CAMSAP1: variants seen among roughly 807,000 people sequenced by gnomAD.
CAMSAP1 encodes calmodulin-regulated spectrin-associated protein 1.
A neutral mutation model predicts 143.5 loss-of-function variants in CAMSAP1; 58 were observed. The ratio of observed to expected loss-of-function variants is 0.40; its 90% CI spans 0.33 to 0.50. The LOEUF is 0.50. Ranked by LOEUF, CAMSAP1 falls within the 20% of genes least tolerant of loss-of-function variation. The pLI is 0.45. For synonymous variants in CAMSAP1, 945 were observed against 859.3 expected, an observed-to-expected ratio of 1.10 and a Z score of -1.74; for missense variants, 1,969 against 2,115.7, an observed-to-expected ratio of 0.93 and a Z score of 1.36.
chr9:135,818,707 G>T lies in CAMSAP1; in HGVS notation c.3960-91C>A. The T allele has an allele frequency of 1.4e-6, 2 of 1,416,008 alleles. No homozygotes were observed. The highest frequency in any genetic ancestry group is 1.9e-6 in the Non-Finnish European group (2 of 1,055,772). 87.7% of individuals were successfully genotyped at this position (1,416,008 alleles called of 1,614,324 possible). A position where few individuals can be genotyped will look rare whatever the true frequency, so the allele number is the denominator to read the frequency against. On this transcript the variant is annotated intron_variant, in intron 12 of 16. Transcript: ENST00000389532. This position sits in a 1 kb window ranked among gnomAD's most constrained non-coding sequence, Gnocchi z 7.7. ...GCGCTCTGTCCAGGCGCGTTTCTCG[G>T]GTTCTCCCCGGCCGCTGGGACCAAG... is the stretch of plus-strand genomic sequence containing the variant.
chr9:135,881,266 AG>A, intron 3 of CAMSAP1, among the ~76,000 whole-genome samples: 1 of 151,978 alleles, frequency 6.6e-6, no homozygotes, highest in Admixed American at 6.6e-5. Context: ...CTGAGGCAGG[AG>A]GATCACTTGG....
At chr9:135,878,152 CAG>C in intron 3 of CAMSAP1, among the ~76,000 whole-genome samples, 1 of 152,328 alleles carries the variant, frequency 6.6e-6, no homozygotes, top group South Asian at 2.1e-4. Context: ...CCTCAGACGG[CAG>C]GGAGGCTCCT....
rs966954128 is a variant in CAMSAP1, at chr9:135,855,921, G to A, written c.809-5460C>T. Among the ~76,000 whole-genome samples the A allele has an allele frequency of 1.4e-4, 21 of 151,974 alleles. No individual in the cohort carries two copies. In the East Asian group the frequency reaches 2.1e-3, roughly 15 times the overall value. On this transcript the variant is annotated intron_variant, in intron 5 of 16. Transcript: ENST00000389532. ...CAAAAAATTAGCCGGGCGCGGTGGC[G>A]GGCGCCTGTGGTCCCAGCTACTCGG...
intron 7 of CAMSAP1, among the ~76,000 whole-genome samples, chr9:135,842,901 C>A (rs1468377534): frequency 6.6e-6 from 1 of 152,172 alleles, no homozygotes; most frequent in African/African-American, 2.4e-5. Context: ...TTGTAAAGAC[C>A]ATCAACACTA....
At chr9:135,878,036 G>A (rs12353433) in intron 3 of CAMSAP1, among the ~76,000 whole-genome samples, 22,760 of 152,122 alleles carry the variant, frequency 0.15, 2,223 homozygotes, top group East Asian at 0.37. Flanking sequence ...CCTCAAGCTG[G>A]GGAAAGCGCT....
intron 3 of CAMSAP1, among the ~76,000 whole-genome samples, chr9:135,874,484 G>GA (rs1357224500): frequency 6.7e-6 from 1 of 149,744 alleles, no homozygotes; most frequent in Admixed American, 6.6e-5. Context: ...AAAAAGGGGG[G>GA]GGGGGGCCAC....
chr9:135,871,400 AT>A (rs1329851918), intron 3 of CAMSAP1, among the ~76,000 whole-genome samples: 1 of 152,048 alleles, frequency 6.6e-6, no homozygotes, highest in Non-Finnish European at 1.5e-5. Context: ...GTTGTCGGGG[AT>A]GGTCTTGAAC....
Position 135,850,242 on chromosome 9 carries a change from C to G in CAMSAP1, c.949-9G>C. ...AAAACCATAACATTCGGCTAAAAGA[C>G]AAAAACAAAAAACCAAAGTATGATA... On this transcript the variant is annotated splice_polypyrimidine_tract_variant and intron_variant, in intron 6 of 16. Coordinates refer to ENST00000389532, the MANE Select transcript of CAMSAP1 (RefSeq NM_015447.4). 1 of 1,609,914 alleles carries G rather than the reference C, an allele frequency of 6.2e-7. No homozygotes were observed. Among genetic ancestry groups the G allele is most frequent in the South Asian group, 1.1e-5 (1 of 90,260 alleles).
chr9:135,904,553 C>G (rs1838712734), intron 1 of CAMSAP1, among the ~76,000 whole-genome samples: 2 of 152,010 alleles, frequency 1.3e-5, no homozygotes, highest in Non-Finnish European at 2.9e-5. Context: ...CCTCTGCCTC[C>G]GAGTCACTAG....
At chr9:135,880,846 C>T (rs1251708417) in intron 3 of CAMSAP1, among the ~76,000 whole-genome samples, 3 of 152,116 alleles carry the variant, frequency 2.0e-5, no homozygotes, top group Non-Finnish European at 4.4e-5. Context: ...GGTAAGGTAA[C>T]CTTATAAATC....
At chr9:135,816,353 G>A (rs550590838) in intron 14 of CAMSAP1, among the ~76,000 whole-genome samples, 5 of 152,308 alleles carry the variant, frequency 3.3e-5, no homozygotes, top group East Asian at 3.9e-4. Flanking sequence ...GGAAGCCAGA[G>A]GATGAAGTTT....
In CAMSAP1 at chr9:135,820,778, A is replaced by T; in HGVS notation, c.3822+61T>A. 1.3e-6 allele frequency: 2 copies of T among 1,572,480 alleles called. No homozygotes were observed. Among genetic ancestry groups the T allele is most frequent in the Admixed American group, 3.5e-5 (2 of 56,980 alleles). ...GGTGCAGATCTGTGTTCTCTAACTC[A>T]CTATCACGTGGGGTGGCAACACATC... On this transcript the variant is annotated intron_variant, in intron 11 of 16. Transcript: ENST00000389532. The surrounding 1 kb of genome is among the most constrained non-coding windows in gnomAD (Gnocchi z 4.4).
chr9:135,883,361 G>A (rs779840862), intron 1 of CAMSAP1, among the ~76,000 whole-genome samples: 1 of 152,188 alleles, frequency 6.6e-6, no homozygotes, highest in African/African-American at 2.4e-5. Flanking sequence ...ATCATTTCGT[G>A]ACCTCCACCG....
intron 3 of CAMSAP1, among the ~76,000 whole-genome samples, chr9:135,875,334 C>T (rs10081684): frequency 0.15 from 22,714 of 151,826 alleles, 2,202 homozygotes; most frequent in East Asian, 0.35. Context: ...CTCAGCCTCC[C>T]AAGCAGCTGG....
chr9:135,830,290 A>G (rs1010732677), intron 7 of CAMSAP1, among the ~76,000 whole-genome samples: 1 of 152,264 alleles, frequency 6.6e-6, no homozygotes, highest in Non-Finnish European at 1.5e-5. Flanking sequence ...ACTAAACACC[A>G]AGATTCAACA....
In CAMSAP1 at chr9:135,907,483, C is replaced by G. The variant is rs1281413649; in HGVS notation, c.-324G>C. On this transcript the variant is annotated 5_prime_UTR_variant, in exon 1 of 17. Coordinates refer to ENST00000389532, the MANE Select transcript of CAMSAP1 (RefSeq NM_015447.4). ...GGGGCGGTGGCAGCGCGTGCGCGGT[C>G]CCGGGTGAGCGGCGGCGGCGGCGAC... 2.1e-5 allele frequency among the ~76,000 whole-genome samples: 3 copies of G among 145,532 alleles called. No homozygotes were observed. The East Asian group carries it at 6.2e-4, about 30-fold the overall frequency.
intron 14 of CAMSAP1, 103 bp downstream of exon 14, chr9:135,817,868 CAAAATT>C (rs946054025): frequency 1.6e-5 from 13 of 825,848 alleles, no homozygotes; most frequent in Non-Finnish European, 2.5e-5. Flanking sequence ...GAAATTATAT[CAAAATT>C]AAAGTTACAA....
chr9:135,812,531 CG>C (rs1462497176), intron 16 of CAMSAP1, among the ~76,000 whole-genome samples: 8 of 151,760 alleles, frequency 5.3e-5, no homozygotes, highest in African/African-American at 1.7e-4. Flanking sequence ...TGACTGTTCA[CG>C]GGCGTGGAGT....
intron 7 of CAMSAP1, among the ~76,000 whole-genome samples, chr9:135,842,665 G>T (rs373762845): frequency 6.6e-6 from 1 of 152,316 alleles, no homozygotes; most frequent in South Asian, 2.1e-4. Flanking sequence ...CTAAAAGCCA[G>T]AAGAGAGTGA....
Sources: gnomAD v4.1 joint callset for allele counts (sites outside exome capture counted in the v4.1 genomes callset) on GRCh38, gnomAD v4.1.1 for gene constraint, Gnocchi (gnomAD v3.1) non-coding constraint, MANE v1.5 for transcripts, NCBI Gene and HGNC (gene_info 2026-07-23, HGNC 2026-07-21) for gene names.